The following AP3B1 variants were observed in gnomAD, a reference collection of about 807,000 sequenced individuals.
AP3B1 encodes the protein adaptor related protein complex 3 subunit beta 1, also known as AP-3 complex subunit beta-1.
In AP3B1, 61 loss-of-function variants were observed where a neutral mutation model predicts 132.5. That is an observed-to-expected ratio of 0.46 (90% confidence interval 0.37 to 0.57). The LOEUF is 0.57. Ranked by LOEUF, AP3B1 falls within the 20% of genes least tolerant of loss-of-function variation. AP3B1 has a pLI of 0.00. For missense variants in AP3B1, 1,120 were observed against 1,289.4 expected, an observed-to-expected ratio of 0.87 and a Z score of 2.01; for synonymous variants, 388 against 438.3, an observed-to-expected ratio of 0.89 and a Z score of 1.43.
intron 15 of AP3B1, among the ~76,000 whole-genome samples, chr5:78,139,030 G>A (rs1279731188): frequency 1.7e-4 from 16 of 93,970 alleles, no homozygotes; most frequent in African/African-American, 2.5e-4. Flanking sequence ...ATTAATAATA[G>A]AGATCAAGAA....
chr5:78,017,343 T>C (rs1047553933), intron 25 of AP3B1, among the ~76,000 whole-genome samples: 2 of 152,078 alleles, frequency 1.3e-5, no homozygotes, highest in Non-Finnish European at 2.9e-5. Context: ...TTTATTGTTA[T>C]AGGCAATTTG....
rs753974452 is a variant in AP3B1, at chr5:78,141,129, C to A, written c.1650+14G>T. The A allele has an allele frequency of 6.2e-7, 1 of 1,611,716 alleles. No individual in the cohort carries two copies. The highest frequency in any genetic ancestry group is 8.5e-7 in the Non-Finnish European group (1 of 1,178,074). ...AGTACGTATTAGATAGGTTGACTAA[C>A]ATTTGCCTCTCACCTGTTTGGAGTT... is the stretch of plus-strand genomic sequence containing the variant. On this transcript the variant is annotated intron_variant, in intron 15 of 26. Coordinates refer to ENST00000255194, the MANE Select transcript of AP3B1 (RefSeq NM_003664.5).
Position 78,134,570 on chromosome 5 carries a change from C to T in AP3B1, c.1651-5263G>A, listed in dbSNP as rs532226421. 1.2e-3 allele frequency among the ~76,000 whole-genome samples: 190 copies of T among 152,178 alleles called. 2 individuals carry two copies. Among genetic ancestry groups the T allele is most frequent in the African/African-American group, 5.8e-4 (24 of 41,518 alleles). On this transcript the variant is annotated intron_variant, in intron 15 of 26. Coordinates refer to ENST00000255194, the MANE Select transcript of AP3B1 (RefSeq NM_003664.5). ...CTTTCTTTCTTTTGAGATGGAGTTT[C>T]GCTCTGGTTGCCCAGGCTGGAGTGC...
chr5:78,080,260 C>T (rs1749935883), intron 22 of AP3B1, among the ~76,000 whole-genome samples: 1 of 152,134 alleles, frequency 6.6e-6, no homozygotes, highest in South Asian at 2.1e-4. Flanking sequence ...CCGCCTGCCT[C>T]AGCCTCCCAA....
chr5:78,186,292 GAGA>G (rs558861827), intron 7 of AP3B1, among the ~76,000 whole-genome samples: 34 of 152,226 alleles, frequency 2.2e-4, no homozygotes, highest in African/African-American at 7.9e-4. Flanking sequence ...AATTACAACA[GAGA>G]AGGACATTAT....
At chr5:78,011,933 C>T (rs1321974495) in intron 26 of AP3B1, among the ~76,000 whole-genome samples, 1 of 152,040 alleles carries the variant, frequency 6.6e-6, no homozygotes, top group Non-Finnish European at 1.5e-5. Flanking sequence ...GAACATAAGC[C>T]AGCCAAGAGT....
At chr5:78,267,005 T>C (rs949458693) in intron 2 of AP3B1, among the ~76,000 whole-genome samples, 3 of 152,184 alleles carry the variant, frequency 2.0e-5, no homozygotes, top group Non-Finnish European at 2.9e-5. Flanking sequence ...CAATTGTTTA[T>C]GTTTTGCTTT....
intron 7 of AP3B1, among the ~76,000 whole-genome samples, chr5:78,211,523 T>G (rs924015903): frequency 5.9e-5 from 9 of 152,336 alleles, no homozygotes; most frequent in Middle Eastern, 3.4e-3. Context: ...AGCATGTACA[T>G]CAGCTCATCT....
chr5:78,272,058 C>G (rs1308073567), intron 1 of AP3B1, among the ~76,000 whole-genome samples: 1 of 152,188 alleles, frequency 6.6e-6, no homozygotes, highest in East Asian at 1.9e-4. Context: ...AGGCAGCCAC[C>G]TAAGAGACTT....
At chr5:78,076,232 C>T (rs1166280852) in intron 22 of AP3B1, among the ~76,000 whole-genome samples, 1 of 152,166 alleles carries the variant, frequency 6.6e-6, no homozygotes, top group Non-Finnish European at 1.5e-5. Context: ...GGCAATTTTT[C>T]TTTATTTTCC....
intron 26 of AP3B1, among the ~76,000 whole-genome samples, chr5:78,011,781 A>G (rs1297624840): frequency 6.6e-6 from 1 of 152,170 alleles, no homozygotes; most frequent in Non-Finnish European, 1.5e-5. Context: ...TTAATGTAAA[A>G]ATGTATAAAA....
intron 7 of AP3B1, among the ~76,000 whole-genome samples, chr5:78,192,639 C>T (rs1461720621): frequency 6.6e-6 from 1 of 152,066 alleles, no homozygotes; most frequent in African/African-American, 2.4e-5. Context: ...AAGACACTAT[C>T]TCCAAAAAAA....
At chr5:78,129,839 A>G (rs1373074134) in intron 15 of AP3B1, among the ~76,000 whole-genome samples, 1 of 152,158 alleles carries the variant, frequency 6.6e-6, no homozygotes, top group African/African-American at 2.4e-5. Context: ...AAGCAGACAC[A>G]TGAATCACTG....
chr5:78,180,746 AAT>A (rs1251844528), intron 8 of AP3B1, among the ~76,000 whole-genome samples: 1 of 151,994 alleles, frequency 6.6e-6, no homozygotes, highest in Non-Finnish European at 1.5e-5. Flanking sequence ...TGTAACCATG[AAT>A]ATATGTACAC....
At chr5:78,209,501 GC>G (rs1335360198) in intron 7 of AP3B1, among the ~76,000 whole-genome samples, 1 of 152,112 alleles carries the variant, frequency 6.6e-6, no homozygotes, top group Admixed American at 6.5e-5. Flanking sequence ...TGACCTAGAA[GC>G]CCCGTCTTCA....
chr5:78,118,451 T>A (rs1179425045), intron 17 of AP3B1, among the ~76,000 whole-genome samples: 1 of 152,232 alleles, frequency 6.6e-6, no homozygotes, highest in Non-Finnish European at 1.5e-5. Flanking sequence ...AGACGGCACC[T>A]GGAAAATCGG....
chr5:78,166,928 C>A (rs917091047), intron 11 of AP3B1, among the ~76,000 whole-genome samples: 8 of 152,140 alleles, frequency 5.3e-5, no homozygotes, highest in Non-Finnish European at 1.2e-4. Context: ...CTTCTAGACG[C>A]TGGCTTAGGC....
At position 78,278,628 on chromosome 5, in the gene AP3B1, G is replaced by T. The variant is rs866449971; in HGVS notation, c.129-11033C>A. ...AAAAAAAAAAAAAAAAAAAAAAAGG[G>T]GGGGGGGGACTAATTAATTATGAGG... On this transcript the variant is annotated intron_variant, in intron 1 of 26. Coordinates refer to ENST00000255194, the MANE Select transcript of AP3B1 (RefSeq NM_003664.5). Among the ~76,000 whole-genome samples, 6 of 42,688 alleles carry T rather than the reference G, an allele frequency of 1.4e-4. 3 individuals are homozygous for T. The South Asian group carries it at 2.9e-3, about 20-fold the overall frequency. 28.0% of individuals were successfully genotyped at this position (42,688 alleles called of 152,430 possible). A position where few individuals can be genotyped will look rare whatever the true frequency, so the allele number is the denominator to read the frequency against.
At chr5:78,160,451 G>C (rs1743343037) in intron 13 of AP3B1, among the ~76,000 whole-genome samples, 1 of 152,112 alleles carries the variant, frequency 6.6e-6, no homozygotes, top group Non-Finnish European at 1.5e-5. Flanking sequence ...ATCTTAGAGA[G>C]TAATAATAGG....
Sources: allele counts gnomAD v4.1 joint callset (sites outside exome capture counted in the v4.1 genomes callset), GRCh38; gene constraint gnomAD v4.1.1; transcripts MANE v1.5; gene names NCBI Gene and HGNC (gene_info 2026-07-23, HGNC 2026-07-21).